DPYD: variants seen among roughly 807,000 people sequenced by gnomAD.
DPYD encodes the protein dihydropyrimidine dehydrogenase.
DPYD carries 109 observed loss-of-function variants against 116.2 expected under a neutral mutation model. That is an observed-to-expected ratio of 0.94 (90% CI 0.80 to 1.10). The LOEUF (loss-of-function observed/expected upper bound fraction) is 1.10, where lower values mean the gene tolerates loss of function less well. Among genes scored for constraint, DPYD ranks in the 50% least tolerant of loss-of-function variants. The pLI, the probability that DPYD is intolerant of heterozygous loss-of-function variation, is 0.00. For missense variants in DPYD, 1,302 were observed against 1,254.5 expected (o/e 1.04, Z -0.57); for synonymous variants, 440 against 432.0 (o/e 1.02, Z -0.23).
In DPYD at chr1:97,456,719, T is replaced by C. The variant is rs76867491; in HGVS notation, c.1741-6496A>G. Among the ~76,000 whole-genome samples the C allele has an allele frequency of 3.5e-4, 53 of 152,198 alleles. No individual in the cohort carries two copies. In the East Asian group the frequency reaches 7.5e-3, roughly 22 times the overall value. On this transcript the variant is annotated intron_variant, in intron 13 of 22. Transcript: ENST00000370192. Reference sequence around the variant, plus strand: ...GGGCAACTAGTATTATAGGAATCTGTGACACCAGGACCAGTAGATTTAAAT... The same window carrying C: ...GGGCAACTAGTATTATAGGAATCTGCGACACCAGGACCAGTAGATTTAAAT...
chr1:97,787,208 C>T (rs1002784630), intron 3 of DPYD, among the ~76,000 whole-genome samples: 1 of 152,048 alleles, frequency 6.6e-6, no homozygotes, highest in Non-Finnish European at 1.5e-5. Context: ...CACAGATTTC[C>T]CAGTAGGATA....
intron 3 of DPYD, among the ~76,000 whole-genome samples, chr1:97,755,561 AT>A (rs1665182857): frequency 6.6e-6 from 1 of 152,178 alleles, no homozygotes; most frequent in Admixed American, 6.5e-5. Flanking sequence ...GCCCAACCAC[AT>A]TTAATTCACC....
chr1:97,561,360 T>C (rs1652129698), intron 11 of DPYD, among the ~76,000 whole-genome samples: 1 of 152,194 alleles, frequency 6.6e-6, no homozygotes, highest in Admixed American at 6.5e-5. Flanking sequence ...AGTACAGACA[T>C]TTAGAATAAG....
At chr1:97,913,795 G>C (rs1414358242) in intron 1 of DPYD, among the ~76,000 whole-genome samples, 3 of 152,016 alleles carry the variant, frequency 2.0e-5, no homozygotes, top group Non-Finnish European at 4.4e-5. Flanking sequence ...TGGGGGCTTT[G>C]AGGGGTTGAG....
chr1:97,086,433 G>A (rs1052731701), intron 21 of DPYD, among the ~76,000 whole-genome samples: 1 of 151,684 alleles, frequency 6.6e-6, no homozygotes, highest in Non-Finnish European at 1.5e-5. Flanking sequence ...GAACTAGACA[G>A]CCCTGATTCC....
intron 3 of DPYD, among the ~76,000 whole-genome samples, chr1:97,774,518 C>T (rs1319004975): frequency 1.3e-5 from 2 of 152,288 alleles, no homozygotes; most frequent in Admixed American, 6.5e-5. Context: ...TAGAGGTACA[C>T]CGACTCAGCC....
chr1:97,450,281 A>G lies in DPYD; in HGVS notation c.1741-58T>C, dbSNP rs536043736. ...TTGACAAAGAAAAGCTATAATCTTTATTATCTGCTCATTTCCATATGACAA... is the reference window on the plus strand; with the variant it reads ...TTGACAAAGAAAAGCTATAATCTTTGTTATCTGCTCATTTCCATATGACAA... On this transcript the variant is annotated intron_variant, in intron 13 of 22. Transcript: ENST00000370192. 2.2e-4 allele frequency: 341 copies of G among 1,583,364 alleles called. 2 individuals carry two copies. The highest frequency in any genetic ancestry group is 1.3e-3 in the South Asian group (115 of 88,234).
At chr1:97,750,998 TGCTGGAGGC>T (rs1159524297) in intron 3 of DPYD, among the ~76,000 whole-genome samples, 1 of 152,058 alleles carries the variant, frequency 6.6e-6, no homozygotes, top group Non-Finnish European at 1.5e-5. Flanking sequence ...ACAATGCAAG[TGCTGGAGGC>T]ACTCATTCAT....
At chr1:97,181,782 C>T (rs7529372) in intron 20 of DPYD, among the ~76,000 whole-genome samples, 31,242 of 152,040 alleles carry the variant, frequency 0.21, 4,112 homozygotes, top group African/African-American at 0.37. Context: ...TCCCAAATTG[C>T]CTATCTATCT....
intron 1 of DPYD, among the ~76,000 whole-genome samples, chr1:97,895,908 T>A (rs935924920): frequency 4.6e-5 from 7 of 151,788 alleles, no homozygotes; most frequent in Non-Finnish European, 7.4e-5. Flanking sequence ...CCAATTTTTT[T>A]ACCAAAAACA....
intron 16 of DPYD, among the ~76,000 whole-genome samples, chr1:97,312,547 C>G (rs889450568): frequency 6.6e-6 from 1 of 151,772 alleles, no homozygotes; most frequent in African/African-American, 2.4e-5. Flanking sequence ...GTACTATAAT[C>G]CATACAATGA....
At chr1:97,348,869 T>C (rs1052060437) in intron 16 of DPYD, among the ~76,000 whole-genome samples, 1 of 152,140 alleles carries the variant, frequency 6.6e-6, no homozygotes, top group African/African-American at 2.4e-5. Context: ...GCCATAGGCT[T>C]CAACTTCCCC....
intron 16 of DPYD, among the ~76,000 whole-genome samples, chr1:97,336,921 A>G (rs1472548408): frequency 6.6e-6 from 1 of 152,168 alleles, no homozygotes; most frequent in Non-Finnish European, 1.5e-5. Flanking sequence ...AGAGGTTTCA[A>G]GGAGAAGTTA....
chr1:97,322,258 A>G (rs925433051), intron 16 of DPYD, among the ~76,000 whole-genome samples: 2 of 144,960 alleles, frequency 1.4e-5, no homozygotes, highest in Non-Finnish European at 3.1e-5. Flanking sequence ...AAATAAATAA[A>G]TAAAAGGAAT....
chr1:97,114,520 T>C (rs1369520609), intron 20 of DPYD, among the ~76,000 whole-genome samples: 1 of 152,166 alleles, frequency 6.6e-6, no homozygotes, highest in Admixed American at 6.6e-5. Flanking sequence ...TTGCATGAGT[T>C]AAATATTTGA....
intron 10 of DPYD, among the ~76,000 whole-genome samples, chr1:97,577,191 C>T (rs1467109759): frequency 6.6e-6 from 1 of 152,150 alleles, no homozygotes; most frequent in East Asian, 1.9e-4. Context: ...GATTCAGTCA[C>T]CCTTGACACA....
intron 8 of DPYD, among the ~76,000 whole-genome samples, chr1:97,659,143 T>C (rs920773576): frequency 3.3e-5 from 5 of 152,144 alleles, no homozygotes; most frequent in Non-Finnish European, 1.5e-5. Context: ...TATCACTACT[T>C]ATGTTATTAC....
intron 20 of DPYD, among the ~76,000 whole-genome samples, chr1:97,161,617 A>C (rs1655902195): frequency 6.6e-6 from 1 of 151,488 alleles, no homozygotes. Flanking sequence ...CATGTGCACA[A>C]TGTACAGGTT....
rs545690054 is a variant in DPYD, at chr1:97,862,406, C to T, written c.150+20858G>A. Among the ~76,000 whole-genome samples, 10 of 151,680 alleles carry T rather than the reference C, an allele frequency of 6.6e-5. No homozygotes were observed. The East Asian group carries it at 1.9e-3, about 29-fold the overall frequency. On this transcript the variant is annotated intron_variant, in intron 2 of 22. Transcript: ENST00000370192. ...TGAGAAATCCAATTAAAGAGAAAAGCATAGAGAAAAAATATATTAAATAAG... is the reference window on the plus strand; with the variant it reads ...TGAGAAATCCAATTAAAGAGAAAAGTATAGAGAAAAAATATATTAAATAAG...
Sources: allele counts gnomAD v4.1 joint callset (sites outside exome capture counted in the v4.1 genomes callset), GRCh38; gene constraint gnomAD v4.1.1; transcripts MANE v1.5; gene names NCBI Gene and HGNC (gene_info 2026-07-23, HGNC 2026-07-21).